The following ABCF1 variants were observed in gnomAD, a reference collection of about 807,000 sequenced individuals.
ABCF1 encodes ATP-binding cassette sub-family F member 1.
In ABCF1, 73 loss-of-function variants were observed where a neutral mutation model predicts 126.3. That is an observed-to-expected ratio of 0.58 (90% CI 0.48 to 0.70). The LOEUF (loss-of-function observed/expected upper bound fraction) is 0.70, where lower values mean the gene tolerates loss of function less well. Among genes scored for constraint, ABCF1 ranks in the 30% least tolerant of loss-of-function variants. ABCF1 has a pLI of 0.00. For synonymous variants in ABCF1, 345 were observed against 396.4 expected (o/e 0.87, Z 1.54); for missense variants, 786 against 1,057.5 (o/e 0.74, Z 3.56).
At chr6:30,582,041 G>T (rs1276317155) in intron 8 of ABCF1, among the ~76,000 whole-genome samples, 3 of 151,676 alleles carry the variant, frequency 2.0e-5, no homozygotes, top group African/African-American at 7.3e-5. Context: ...GTTCTAGAAG[G>T]AGTCCCTAGT....
chr6:30,584,197 G>A lies in ABCF1; in HGVS notation c.1108G>A (p.Val370Ile), dbSNP rs1295769297. 6.2e-7 allele frequency: 1 copy of A among 1,611,784 alleles called. No homozygotes were observed. The highest frequency in any genetic ancestry group is 8.5e-7 in the Non-Finnish European group (1 of 1,179,566). ...GTTCTCCCTCTGCCTCCCAGAGGTG[G>A]TAGCAGATGAGACACCAGCAGTCCA... ...IDVLLCEQEV[V>I]ADETPAVQAV... The change falls in exon 13 of 25, where the codon GTA becomes ATA. Residue 370 changes from valine to isoleucine, a missense_variant. Transcript: ENST00000326195. The surrounding 1 kb of genome is among the most constrained non-coding windows in gnomAD (Gnocchi z 4.6).
chr6:30,573,229 C>G (rs760580864), intron 1 of ABCF1, among the ~76,000 whole-genome samples: 11 of 152,118 alleles, frequency 7.2e-5, no homozygotes, highest in Admixed American at 2.0e-4. Context: ...GAACTGAGAA[C>G]TGATTAAATG....
chr6:30,589,304 C>T, intron 20 of ABCF1: 1 of 258,706 alleles, frequency 3.9e-6, no homozygotes, highest in East Asian at 1.0e-4. Flanking sequence ...CCGTGCCCAG[C>T]CCCTATTCCT....
intron 1 of ABCF1, among the ~76,000 whole-genome samples, chr6:30,575,828 G>C (rs951941718): frequency 1.3e-5 from 2 of 152,066 alleles, no homozygotes; most frequent in Non-Finnish European, 2.9e-5. Flanking sequence ...CCAACAGTTT[G>C]GGAAGCTGAG....
chr6:30,578,239 A>G (rs1322441821), intron 4 of ABCF1, 37 bp downstream of exon 4: 1 of 1,613,770 alleles, frequency 6.2e-7, no homozygotes, highest in Non-Finnish European at 8.5e-7. Context: ...CCTGGAATCC[A>G]TGAGTCATGG....
intron 20 of ABCF1, chr6:30,589,365 C>G: frequency 2.6e-6 from 1 of 382,356 alleles, no homozygotes; most frequent in South Asian, 3.0e-5. Flanking sequence ...GTCTCTCCTT[C>G]AGAAAAGTTG....
intron 1 of ABCF1, 42 bp from the exon 2 acceptor site, chr6:30,577,366 GA>G: frequency 1.2e-6 from 2 of 1,608,388 alleles, no homozygotes; most frequent in South Asian, 1.1e-5. Flanking sequence ...GACTGCTTTG[GA>G]ATTTGCAGAT....
chr6:30,590,266 G>A (rs757290590), intron 23 of ABCF1, 40 bp from the exon 24 acceptor site: 43 of 1,611,994 alleles, frequency 2.7e-5, no homozygotes, highest in Admixed American at 3.3e-5. Context: ...AATGGAAGAC[G>A]GGAGTTGCAG....
rs1220841516 is a variant in ABCF1 at position 30,589,469 on chromosome 6, G to A, written c.2032-219G>A. The A allele has an allele frequency of 1.0e-4, 62 of 595,276 alleles. 1 individual carries two copies. In the Admixed American group the frequency reaches 1.9e-3, roughly 18 times the overall value. The allele number at this position is 595,276 out of a possible 1,614,324, so 36.9% of individuals were successfully genotyped here. A position where few individuals can be genotyped will look rare whatever the true frequency, so the allele number is the denominator to read the frequency against. Reference sequence around the variant, plus strand: ...ATACAAAAAATTAGCCGGGTGTGGTGGCAGGCACCTGTATTCCCAGCTACT... The same window carrying A: ...ATACAAAAAATTAGCCGGGTGTGGTAGCAGGCACCTGTATTCCCAGCTACT... On this transcript the variant is annotated intron_variant, in intron 20 of 24. Transcript: ENST00000326195.
rs1802447673 is a variant in ABCF1 at position 30,591,374 on chromosome 6, C to T, written c.*673C>T. The T allele has an allele frequency of 2.0e-5, 3 of 152,114 alleles. No homozygotes were observed. The highest frequency in any genetic ancestry group is 7.2e-5 in the African/African-American group (3 of 41,388). 9.4% of individuals were successfully genotyped at this position (152,114 alleles called of 1,614,324 possible). ...GTTCTCAGTCTTGATTTGCTTTATTCAGTTTTCTAGCAGCTTTTAATAGTC... is the reference window on the plus strand; with the variant it reads ...GTTCTCAGTCTTGATTTGCTTTATTTAGTTTTCTAGCAGCTTTTAATAGTC... On this transcript the variant is annotated 3_prime_UTR_variant, in exon 25 of 25. Transcript: ENST00000326195.
In ABCF1 at chr6:30,589,559, C is replaced by T. The variant is rs531382900; in HGVS notation, c.2032-129C>T. 2.3e-3 allele frequency: 2,401 copies of T among 1,059,958 alleles called. 3 individuals carry two copies. Among genetic ancestry groups the T allele is most frequent in the Non-Finnish European group, 2.7e-3 (1,960 of 736,646 alleles). 65.7% of individuals were successfully genotyped at this position (1,059,958 alleles called of 1,614,324 possible). A position where few individuals can be genotyped will look rare whatever the true frequency, so the allele number is the denominator to read the frequency against. On this transcript the variant is annotated intron_variant, in intron 20 of 24. Coordinates refer to ENST00000326195, the MANE Select transcript of ABCF1 (RefSeq NM_001025091.2). ...TGGAGGTTGCAGTGAGCCGAGATCG[C>T]GCCACTGCACTCCAGCCTGGGGGAC... is the stretch of plus-strand genomic sequence containing the variant.
At chr6:30,582,531 C>T in intron 9 of ABCF1, 24 bp downstream of exon 9, 1 of 1,610,486 alleles carries the variant, frequency 6.2e-7, no homozygotes, top group South Asian at 1.1e-5. Context: ...TCTTAGCGGT[C>T]AAAAGTAGGG....
At chr6:30,578,650 C>G in intron 6 of ABCF1, 73 bp downstream of exon 6, 2 of 1,266,930 alleles carry the variant, frequency 1.6e-6, no homozygotes, top group East Asian at 2.5e-5. Flanking sequence ...TAATTTCCCG[C>G]TTTTAAACTA....
chr6:30,586,722 G>C lies in ABCF1; in HGVS notation c.2031+11G>C, dbSNP rs1021349042. 6.2e-7 allele frequency: 1 copy of C among 1,613,694 alleles called. No individual in the cohort carries two copies. Among genetic ancestry groups the C allele is most frequent in the Admixed American group, 1.7e-5 (1 of 60,006 alleles). ...GGCAAGCTGACACCGGTGAGTCCTG[G>C]AGCCAAGGAGGGAGAGCATGAGAAA... On this transcript the variant is annotated intron_variant, in intron 20 of 24. Transcript: ENST00000326195. This position sits in a 1 kb window ranked among gnomAD's most constrained non-coding sequence, Gnocchi z 4.9.
At position 30,586,488 on chromosome 6, in the gene ABCF1, T is replaced by C; in HGVS notation, c.1900T>C (p.Tyr634His). 1 of 1,613,584 alleles carries C rather than the reference T, an allele frequency of 6.2e-7. No homozygotes were observed. The highest frequency in any genetic ancestry group is 8.5e-7 in the Non-Finnish European group (1 of 1,180,028). The change falls in exon 19 of 25, where the codon TAC becomes CAC. Residue 634 changes from tyrosine to histidine, a missense_variant. By Grantham distance (83) the Tyr-to-His change is moderately conservative (BLOSUM62 2). Transcript: ENST00000326195. The surrounding 1 kb of genome is among the most constrained non-coding windows in gnomAD (Gnocchi z 4.9). Reference sequence around the variant, plus strand: ...GTGGCTTTCAGGTGTGACATTCGGCTACCAGGGACAGAAACCACTCTTTAA... The same window carrying C: ...GTGGCTTTCAGGTGTGACATTCGGCCACCAGGGACAGAAACCACTCTTTAA... ...VLGLHGVTFG[Y>H]QGQKPLFKNL...
chr6:30,574,734 T>C lies in ABCF1; in HGVS notation c.74-2675T>C, dbSNP rs574451878. On this transcript the variant is annotated intron_variant, in intron 1 of 24. Coordinates refer to ENST00000326195, the MANE Select transcript of ABCF1 (RefSeq NM_001025091.2). This position sits in a 1 kb window ranked among gnomAD's most constrained non-coding sequence, Gnocchi z 4.3. ...TTGTTTGTTTTTTGTGGTTTGTTTT[T>C]TGGGGAGGAGGAGGGCCCCAAACTT... Among the ~76,000 whole-genome samples, 13 of 152,310 alleles carry C rather than the reference T, an allele frequency of 8.5e-5. No individual in the cohort carries two copies. The highest frequency in any genetic ancestry group is 3.1e-4 in the African/African-American group (13 of 41,562).
chr6:30,588,229 A>G (rs1802255754), intron 20 of ABCF1, among the ~76,000 whole-genome samples: 1 of 152,066 alleles, frequency 6.6e-6, no homozygotes, highest in Non-Finnish European at 1.5e-5. Context: ...GTTTTAGTGG[A>G]TATCTTTCTC....
In ABCF1 at chr6:30,589,845, C is replaced by T. The variant is rs1409283635; in HGVS notation, c.2104C>T (p.Arg702Cys). 5.0e-6 allele frequency: 8 copies of T among 1,614,146 alleles called. No individual in the cohort carries two copies. The highest frequency in any genetic ancestry group is 1.7e-5 in the Admixed American group (1 of 60,014). ...FFNQQYAEQL[R>C]MEETPTEYLQ... ...CAACCAGCAGTATGCAGAGCAGCTG[C>T]GCATGGAGGAGACGCCCACTGAGTA... Residue 702 changes from arginine (R) to cysteine (C), a missense_variant, in exon 22 of 25, where the codon CGC becomes TGC. Physicochemically the swap from Arg to Cys is radical, Grantham distance 180. Around this residue, in one of 4 missense-constraint regions of ABCF1, gnomAD observed 288 missense variants for 423.5 expected, o/e 0.68. Coordinates refer to ENST00000326195, the MANE Select transcript of ABCF1 (RefSeq NM_001025091.2).
rs754983249 is a variant in ABCF1 at position 30,577,914 on chromosome 6, G to A, written c.216+1G>A. ...GCAGCAGCAGCAACAGCAACAGCAG[G>A]TACAAGTGCCACAGGGCCCACCAAT... On this transcript the variant is annotated splice_donor_variant, in intron 3 of 24. Coordinates refer to ENST00000326195, the MANE Select transcript of ABCF1 (RefSeq NM_001025091.2). LOFTEE classifies it high-confidence loss of function. 4 of 1,613,906 alleles carry A rather than the reference G, an allele frequency of 2.5e-6. No individual in the cohort carries two copies. The South Asian group carries it at 4.4e-5, about 18-fold the overall frequency.
Sources: gnomAD v4.1 joint callset for allele counts (sites outside exome capture counted in the v4.1 genomes callset) on GRCh38, gnomAD v4.1.1 for gene constraint, gnomAD v4.1.1 regional missense constraint, Gnocchi (gnomAD v3.1) non-coding constraint, MANE v1.5 for transcripts, NCBI Gene and HGNC (gene_info 2026-07-23, HGNC 2026-07-21) for gene names.